The following TENM2 variants were observed in gnomAD, a reference collection of about 807,000 sequenced individuals.
The protein encoded by TENM2 is teneurin-2.
TENM2 carries 52 observed loss-of-function variants against 245.2 expected under a neutral mutation model. The observed-to-expected ratio is 0.21, with a 90% CI of 0.17 to 0.27. The LOEUF is 0.27. Among genes scored for constraint, TENM2 ranks in the 10% least tolerant of loss-of-function variants. The pLI is 1.00. For synonymous variants in TENM2, 1,363 were observed against 1,438.9 expected, an observed-to-expected ratio of 0.95 and a Z score of 1.19; for missense variants, 3,046 against 3,666.8, an observed-to-expected ratio of 0.83 and a Z score of 4.37.
chr5:168,013,637 G>A (rs1264358647), intron 5 of TENM2, among the ~76,000 whole-genome samples: 1 of 108,506 alleles, frequency 9.2e-6, no homozygotes, highest in African/African-American at 3.6e-5. Context: ...AAAACAAAAA[G>A]CCAAGTTTCT....
At chr5:167,683,867 T>C (rs962923412) in intron 2 of TENM2, among the ~76,000 whole-genome samples, 5 of 152,192 alleles carry the variant, frequency 3.3e-5, no homozygotes, top group Admixed American at 2.6e-4. Context: ...TGTAATGTAA[T>C]TGGAAGTATT....
intron 2 of TENM2, among the ~76,000 whole-genome samples, chr5:167,428,208 A>T (rs1017621137): frequency 1.8e-4 from 27 of 152,204 alleles, no homozygotes; most frequent in Non-Finnish European, 3.1e-4. Flanking sequence ...TGAGTTTTTT[A>T]AAAAATTAAT....
At chr5:167,671,375 A>C (rs904692315) in intron 2 of TENM2, among the ~76,000 whole-genome samples, 1 of 152,144 alleles carries the variant, frequency 6.6e-6, no homozygotes, top group African/African-American at 2.4e-5. Flanking sequence ...TTTGAACAGT[A>C]GAATTTTATA....
the TENM2 span, among the ~76,000 whole-genome samples, chr5:167,217,399 A>C: frequency 6.6e-6 from 1 of 152,188 alleles, no homozygotes; most frequent in African/African-American, 2.4e-5. Context: ...TGCAATCTTA[A>C]GAAGCACGGA....
chr5:167,189,379 G>A, the TENM2 span, among the ~76,000 whole-genome samples: 4 of 152,078 alleles, frequency 2.6e-5, no homozygotes, highest in Admixed American at 2.0e-4. Flanking sequence ...TATTATTTTT[G>A]AGTTGTAGCA....
the TENM2 span, among the ~76,000 whole-genome samples, chr5:166,992,951 G>C: frequency 4.6e-5 from 7 of 152,038 alleles, no homozygotes; most frequent in African/African-American, 1.4e-4. Context: ...ATGACAAAAC[G>C]TGCTCAGTTG....
chr5:167,787,492 G>T (rs1208974422), intron 2 of TENM2, among the ~76,000 whole-genome samples: 1 of 152,148 alleles, frequency 6.6e-6, no homozygotes, highest in Non-Finnish European at 1.5e-5. Context: ...AAACAGGATG[G>T]ATATCTATCA....
chr5:167,758,649 A>G (rs1762462285), intron 2 of TENM2, among the ~76,000 whole-genome samples: 1 of 152,078 alleles, frequency 6.6e-6, no homozygotes, highest in African/African-American at 2.4e-5. Context: ...TAGCTTTTAT[A>G]AGCACTTGCT....
At chr5:167,869,058 A>G (rs966323524) in intron 2 of TENM2, among the ~76,000 whole-genome samples, 10 of 152,182 alleles carry the variant, frequency 6.6e-5, no homozygotes, top group African/African-American at 2.4e-4. Flanking sequence ...CAAATAGTAG[A>G]GTAAGTGGAA....
chr5:167,796,967 T>C (rs1250249707), intron 2 of TENM2, among the ~76,000 whole-genome samples: 1 of 152,038 alleles, frequency 6.6e-6, no homozygotes, highest in Non-Finnish European at 1.5e-5. Context: ...GCATTGTCAA[T>C]ATCGGAGTCA....
At chr5:167,386,195 G>T (rs1303733914) in intron 2 of TENM2, among the ~76,000 whole-genome samples, 1 of 151,820 alleles carries the variant, frequency 6.6e-6, no homozygotes, top group Non-Finnish European at 1.5e-5. Context: ...TGGATTTTTT[G>T]ATTATAGCCA....
intron 2 of TENM2, among the ~76,000 whole-genome samples, chr5:167,706,518 C>T (rs1052486246): frequency 6.6e-6 from 1 of 151,436 alleles, no homozygotes. Flanking sequence ...AAGTTGCCTC[C>T]ATGTCTTAAA....
At chr5:168,127,560 T>A (rs1795945305) in intron 12 of TENM2, among the ~76,000 whole-genome samples, 1 of 152,228 alleles carries the variant, frequency 6.6e-6, no homozygotes, top group South Asian at 2.1e-4. Flanking sequence ...ATTTTCTTTG[T>A]TAAGAAGAAA....
At chr5:167,652,044 C>G (rs200847696) in intron 2 of TENM2, among the ~76,000 whole-genome samples, 1 of 142,354 alleles carries the variant, frequency 7.0e-6, no homozygotes, top group Non-Finnish European at 1.5e-5. Flanking sequence ...TTTCACTAAC[C>G]TTTTTCTCTT....
intron 2 of TENM2, among the ~76,000 whole-genome samples, chr5:167,460,279 A>G (rs1436921018): frequency 1.4e-4 from 21 of 152,208 alleles, no homozygotes; most frequent in Admixed American, 1.4e-3. Context: ...TTAAATGTAT[A>G]GCATTATGTA....
At chr5:167,818,788 G>T (rs1479394510) in intron 2 of TENM2, among the ~76,000 whole-genome samples, 1 of 152,172 alleles carries the variant, frequency 6.6e-6, no homozygotes, top group Non-Finnish European at 1.5e-5. Flanking sequence ...GCTCCAGTTA[G>T]TTGCTTTTAA....
intron 2 of TENM2, among the ~76,000 whole-genome samples, chr5:167,737,531 A>G (rs779197500): frequency 9.9e-5 from 15 of 152,110 alleles, no homozygotes; most frequent in Non-Finnish European, 1.6e-4. Flanking sequence ...CCTTCATTTC[A>G]ACTTAACAAG....
the TENM2 span, among the ~76,000 whole-genome samples, chr5:167,079,246 C>T: frequency 5.6e-5 from 8 of 142,406 alleles, no homozygotes; most frequent in South Asian, 2.2e-4. Flanking sequence ...TCTCTCTCTA[C>T]GTATATACAT....
chr5:167,694,197 A>C (rs1254832785), intron 2 of TENM2, among the ~76,000 whole-genome samples: 4 of 152,092 alleles, frequency 2.6e-5, no homozygotes, highest in African/African-American at 9.7e-5. Context: ...AGCCCATTTA[A>C]CATCTTGTGG....
Sources: gnomAD v4.1 joint callset for allele counts (sites outside exome capture counted in the v4.1 genomes callset) on GRCh38, gnomAD v4.1.1 for gene constraint, MANE v1.5 for transcripts, NCBI Gene and HGNC (gene_info 2026-07-23, HGNC 2026-07-21) for gene names.